HOGA1: variants seen among roughly 807,000 people sequenced by gnomAD.
HOGA1 encodes 4-hydroxy-2-oxoglutarate aldolase 1.
Under a neutral mutation model 34.3 loss-of-function variants are expected in HOGA1, and 30 were observed. The observed-to-expected ratio is 0.87, with a 90% CI of 0.65 to 1.19. HOGA1 has a LOEUF of 1.19. Among genes scored for constraint, HOGA1 ranks in the 50% most tolerant of loss-of-function variants. The probability of loss-of-function intolerance (pLI) is 0.00; values close to 1 mark genes in which losing one functional copy is unlikely to be tolerated. For synonymous variants in HOGA1, 161 were observed against 174.0 expected (o/e 0.93, Z 0.59); for missense variants, 417 against 436.5 (o/e 0.96, Z 0.40).
Position 97,600,177 on chromosome 10 carries a change from T to C in HOGA1, c.700+14T>C. 1 of 1,606,782 alleles carries C rather than the reference T, an allele frequency of 6.2e-7. No individual in the cohort carries two copies. The highest frequency in any genetic ancestry group is 1.1e-5 in the South Asian group (1 of 90,936). On this transcript the variant is annotated intron_variant, in intron 5 of 6. Coordinates refer to ENST00000370646, the MANE Select transcript of HOGA1 (RefSeq NM_138413.4). The stretch of plus-strand genomic sequence containing the variant: ...GCTATGCCTTGGGTAGGCCGCCCAC[T>C]GCTCTCAAATTGTCATGGGTGACCA...
intron 1 of HOGA1, among the ~76,000 whole-genome samples, chr10:97,589,387 C>G (rs2040999100): frequency 6.6e-6 from 1 of 151,882 alleles, no homozygotes; most frequent in African/African-American, 2.4e-5. Flanking sequence ...CCTGACCCAG[C>G]ATACTTTGCC....
At chr10:97,602,077 C>T (rs775230133) in intron 6 of HOGA1, 87 bp downstream of exon 6, 6 of 1,552,042 alleles carry the variant, frequency 3.9e-6, no homozygotes, top group Non-Finnish European at 5.2e-6. Flanking sequence ...TGGCACCAGG[C>T]CCCACTCAGT....
intron 1 of HOGA1, among the ~76,000 whole-genome samples, chr10:97,595,645 A>C (rs1269955586): frequency 6.6e-6 from 1 of 152,248 alleles, no homozygotes; most frequent in Non-Finnish European, 1.5e-5. Context: ...CAGTGAGCCG[A>C]GGTCGCACCA....
In HOGA1 at chr10:97,599,097, G is replaced by A. The variant is rs370031584; in HGVS notation, c.349G>A (p.Ala117Thr). The A allele has an allele frequency of 2.5e-5, 41 of 1,613,326 alleles. No homozygotes were observed. Among genetic ancestry groups the A allele is most frequent in the Middle Eastern group, 1.7e-4 (1 of 5,872 alleles). ...LAGSGCESTQ[A>T]TVEMTVSMAQ... ...TCTCCTTCCTCTGGCAGCCACTCAAGCCACAGTGGAGATGACCGTCAGCAT... is the reference window on the plus strand; with the variant it reads ...TCTCCTTCCTCTGGCAGCCACTCAAACCACAGTGGAGATGACCGTCAGCAT... The change falls in exon 3 of 7, where the codon GCC becomes ACC. Residue 117 changes from alanine (A) to threonine (T), a missense_variant. Coordinates refer to ENST00000370646, the MANE Select transcript of HOGA1 (RefSeq NM_138413.4).
chr10:97,586,064 G>C (rs191533343), intron 1 of HOGA1, among the ~76,000 whole-genome samples: 1 of 151,648 alleles, frequency 6.6e-6, no homozygotes, highest in Non-Finnish European at 1.5e-5. Flanking sequence ...TTGAACCCGG[G>C]AGGCAGAGAT....
At chr10:97,596,708 CAAAAAAAA>C (rs34186645) in intron 1 of HOGA1, among the ~76,000 whole-genome samples, 12 of 89,350 alleles carry the variant, frequency 1.3e-4, no homozygotes, top group African/African-American at 4.6e-4. Context: ...AAATAACTAC[CAAAAAAAA>C]AAAAAAAAAA....
intron 6 of HOGA1, among the ~76,000 whole-genome samples, chr10:97,604,516 G>T (rs1402857019): frequency 6.6e-6 from 1 of 151,992 alleles, no homozygotes; most frequent in East Asian, 1.9e-4. Context: ...TAGAGACAAG[G>T]TCTCGCTATG....
chr10:97,584,833 A>T lies in HOGA1; in HGVS notation c.130A>T (p.Thr44Ser). 6.2e-7 allele frequency: 1 copy of T among 1,613,690 alleles called. No homozygotes were observed. The highest frequency in any genetic ancestry group is 8.5e-7 in the Non-Finnish European group (1 of 1,179,906). Reference sequence around the variant, plus strand: ...TGCGGGTATCTACCCCCCTGTGACCACCCCCTTCACTGCCACTGCAGAGGT... The same window carrying T: ...TGCGGGTATCTACCCCCCTGTGACCTCCCCCTTCACTGCCACTGCAGAGGT... The part of the protein sequence containing the change: ...DIAGIYPPVT[T>S]PFTATAEVDY... The change falls in exon 1 of 7, where the codon ACC becomes TCC. Residue 44 changes from threonine (T) to serine (S), a missense_variant. Thr to Ser is a moderately conservative substitution (Grantham distance 58). Transcript: ENST00000370646.
chr10:97,595,751 T>C (rs1225966525), intron 1 of HOGA1, among the ~76,000 whole-genome samples: 2 of 152,216 alleles, frequency 1.3e-5, no homozygotes, highest in Non-Finnish European at 2.9e-5. Context: ...TATTTTTTAA[T>C]TGAGTTAGCC....
intron 3 of HOGA1, chr10:97,599,431 T>A: frequency 1.4e-6 from 1 of 719,492 alleles, no homozygotes; most frequent in Non-Finnish European, 2.3e-6. Flanking sequence ...ATCTGTCTCA[T>A]AGGGTTGCAG....
intron 5 of HOGA1, 96 bp from the exon 6 acceptor site, chr10:97,601,761 T>G: frequency 6.9e-7 from 1 of 1,439,776 alleles, no homozygotes. Context: ...GAAATCTGTA[T>G]CTAATGTCCC....
intron 6 of HOGA1, among the ~76,000 whole-genome samples, chr10:97,607,289 G>A (rs1389472667): frequency 6.6e-6 from 1 of 152,146 alleles, no homozygotes; most frequent in Non-Finnish European, 1.5e-5. Context: ...GAGCAGTGGT[G>A]CAAGTCCTGA....
chr10:97,593,861 A>G (rs2041047962), intron 1 of HOGA1, among the ~76,000 whole-genome samples: 1 of 151,684 alleles, frequency 6.6e-6, no homozygotes, highest in South Asian at 2.1e-4. Flanking sequence ...CTGGGGAACC[A>G]TGGCAGTCAA....
At chr10:97,598,954 G>A in intron 2 of HOGA1, 51 bp downstream of exon 2, 1 of 1,610,932 alleles carries the variant, frequency 6.2e-7, no homozygotes, top group Non-Finnish European at 8.5e-7. Flanking sequence ...GCAGGATCCA[G>A]GCTCCTAGGC....
intron 6 of HOGA1, among the ~76,000 whole-genome samples, chr10:97,607,607 C>T (rs1016505952): frequency 3.3e-5 from 5 of 152,168 alleles, no homozygotes; most frequent in Non-Finnish European, 7.3e-5. Flanking sequence ...CCTTGTTGGT[C>T]TTCCTTCTCT....
At chr10:97,597,343 T>C (rs2041079344) in intron 1 of HOGA1, among the ~76,000 whole-genome samples, 1 of 152,064 alleles carries the variant, frequency 6.6e-6, no homozygotes, top group South Asian at 2.1e-4. Context: ...CTTCTATTAA[T>C]TAAGAATCCT....
At chr10:97,592,849 C>T (rs1014738285) in intron 1 of HOGA1, among the ~76,000 whole-genome samples, 4 of 150,532 alleles carry the variant, frequency 2.7e-5, no homozygotes, top group Non-Finnish European at 4.4e-5. Context: ...TGGACAACCT[C>T]GTGAAACCTC....
intron 1 of HOGA1, among the ~76,000 whole-genome samples, chr10:97,594,509 C>T (rs1460378003): frequency 6.6e-6 from 1 of 151,998 alleles, no homozygotes; most frequent in Non-Finnish European, 1.5e-5. Flanking sequence ...TGCCTGCCAC[C>T]ATGCCCAGCT....
intron 5 of HOGA1, among the ~76,000 whole-genome samples, chr10:97,601,185 C>T (rs1383667725): frequency 6.6e-6 from 1 of 152,230 alleles, no homozygotes; most frequent in Non-Finnish European, 1.5e-5. Context: ...ATTGCCTACT[C>T]TCTCTACGGT....
Sources: gnomAD v4.1 joint callset for allele counts (sites outside exome capture counted in the v4.1 genomes callset) on GRCh38, gnomAD v4.1.1 for gene constraint, MANE v1.5 for transcripts, NCBI Gene and HGNC (gene_info 2026-07-23, HGNC 2026-07-21) for gene names.